The following FAM184B variants were observed in gnomAD, a reference collection of about 807,000 sequenced individuals.
The protein encoded by FAM184B is protein FAM184B.
In FAM184B, 111 loss-of-function variants were observed where a neutral mutation model predicts 135.9. The ratio of observed to expected loss-of-function variants is 0.82; its 90% CI spans 0.70 to 0.96. The LOEUF (loss-of-function observed/expected upper bound fraction) is 0.96. Ranked by LOEUF, FAM184B falls within the 40% of genes least tolerant of loss-of-function variation. The pLI is 0.00. For missense variants in FAM184B, 1,375 were observed against 1,323.9 expected (o/e 1.04, Z -0.60); for synonymous variants, 552 against 524.8 (o/e 1.05, Z -0.71).
intron 1 of FAM184B, among the ~76,000 whole-genome samples, chr4:17,755,373 C>T (rs1718394636): frequency 6.6e-6 from 1 of 152,092 alleles, no homozygotes; most frequent in Non-Finnish European, 1.5e-5. Flanking sequence ...CATCTCAAGC[C>T]AGTCAGAATG....
intron 1 of FAM184B, among the ~76,000 whole-genome samples, chr4:17,770,791 A>T (rs1718804639): frequency 2.0e-5 from 3 of 152,134 alleles, no homozygotes; most frequent in Admixed American, 2.0e-4. Flanking sequence ...CAGGAGACAG[A>T]TCTGATTCAA....
At chr4:17,765,669 G>T (rs943066656) in intron 1 of FAM184B, among the ~76,000 whole-genome samples, 3 of 152,180 alleles carry the variant, frequency 2.0e-5, no homozygotes, top group Admixed American at 6.5e-5. Context: ...TATTCTGGTT[G>T]TATTTGTTCT....
chr4:17,762,478 G>A (rs1360581035), intron 1 of FAM184B, among the ~76,000 whole-genome samples: 6 of 152,136 alleles, frequency 3.9e-5, no homozygotes, highest in African/African-American at 1.4e-4. Context: ...ATTCAGATCC[G>A]GCTTCATTAG....
At chr4:17,732,536 C>T (rs576074548) in intron 1 of FAM184B, among the ~76,000 whole-genome samples, 12 of 152,198 alleles carry the variant, frequency 7.9e-5, no homozygotes, top group African/African-American at 2.9e-4. Flanking sequence ...ATACAAACTA[C>T]CATTAGAGAA....
chr4:17,704,760 T>G (rs1717068263), intron 5 of FAM184B, among the ~76,000 whole-genome samples: 1 of 152,228 alleles, frequency 6.6e-6, no homozygotes, highest in South Asian at 2.1e-4. Context: ...TCCAGGCCTA[T>G]AGGGGTGTCC....
At position 17,781,226 on chromosome 4, in the gene FAM184B, C is replaced by T. The variant is rs774090022; in HGVS notation, c.74G>A (p.Gly25Asp). Residue 25 changes from glycine (G) to aspartate (D), a missense_variant, in exon 1 of 18, where the codon GGC becomes GAC. Coordinates refer to ENST00000265018, the MANE Select transcript of FAM184B (RefSeq NM_015688.2). This position sits in a 1 kb window ranked among gnomAD's most constrained non-coding sequence, Gnocchi z 6.5. Reference protein sequence around the residue: ...CQGSKADGGAGWRMDCDPQMH... With the variant: ...CQGSKADGGADWRMDCDPQMH... Reference sequence around the variant, plus strand: ...CTGGGGATCACAGTCCATTCTCCAGCCGGCGCCACCGTCGGCTTTGGAGCC... The same window carrying T: ...CTGGGGATCACAGTCCATTCTCCAGTCGGCGCCACCGTCGGCTTTGGAGCC... 9 of 1,550,842 alleles carry T rather than the reference C, an allele frequency of 5.8e-6. No homozygotes were observed. The African/African-American group carries it at 8.2e-5, about 14-fold the overall frequency.
chr4:17,751,994 T>C (rs961521486), intron 1 of FAM184B, among the ~76,000 whole-genome samples: 13 of 148,258 alleles, frequency 8.8e-5, no homozygotes, highest in Non-Finnish European at 1.8e-4. Context: ...AAGAACTGGC[T>C]GGGCTGCTGA....
chr4:17,637,850 A>T (rs1170162680), intron 14 of FAM184B, among the ~76,000 whole-genome samples: 2 of 151,990 alleles, frequency 1.3e-5, no homozygotes, highest in Non-Finnish European at 2.9e-5. Flanking sequence ...GTCAGAAGTG[A>T]CCCTGTGAAA....
intron 5 of FAM184B, among the ~76,000 whole-genome samples, chr4:17,695,341 A>T (rs6857678): frequency 0.61 from 92,847 of 151,678 alleles, 28,951 homozygotes; most frequent in East Asian, 0.92. Flanking sequence ...TTAAAAAAAA[A>T]TTTTTTTAGA....
chr4:17,636,836 C>G (rs977817541), intron 14 of FAM184B, among the ~76,000 whole-genome samples, 191 bp from the exon 15 acceptor site: 1 of 152,148 alleles, frequency 6.6e-6, no homozygotes, highest in Non-Finnish European at 1.5e-5. Context: ...TCTGTCAGGT[C>G]CCCTGAGGCT....
chr4:17,648,165 G>C (rs954706331), intron 11 of FAM184B, among the ~76,000 whole-genome samples: 11 of 152,052 alleles, frequency 7.2e-5, no homozygotes, highest in African/African-American at 2.7e-4. Flanking sequence ...GCCCTCTACT[G>C]GTTGGTTAGG....
rs1356982373 is a variant in FAM184B at position 17,781,236 on chromosome 4, C to T, written c.64G>A (p.Gly22Ser). 2 of 1,550,966 alleles carry T rather than the reference C, an allele frequency of 1.3e-6. No homozygotes were observed. Among genetic ancestry groups the T allele is most frequent in the East Asian group, 2.4e-5 (1 of 40,868 alleles). Residue 22 changes from glycine to serine, a missense_variant, in exon 1 of 18, where the codon GGT becomes AGT. Gly to Ser is a moderately conservative substitution (Grantham distance 56, BLOSUM62 0). Coordinates refer to ENST00000265018, the MANE Select transcript of FAM184B (RefSeq NM_015688.2). This position sits in a 1 kb window ranked among gnomAD's most constrained non-coding sequence, Gnocchi z 6.5. Reference protein sequence around the residue: ...PGTCQGSKADGGAGWRMDCDP... With the variant: ...PGTCQGSKADSGAGWRMDCDP... ...CAGTCCATTCTCCAGCCGGCGCCACCGTCGGCTTTGGAGCCCTGGCAAGTG... is the reference window on the plus strand; with the variant it reads ...CAGTCCATTCTCCAGCCGGCGCCACTGTCGGCTTTGGAGCCCTGGCAAGTG...
intron 8 of FAM184B, among the ~76,000 whole-genome samples, chr4:17,660,784 C>T (rs540290767): frequency 9.7e-4 from 148 of 152,062 alleles, no homozygotes; most frequent in African/African-American, 3.2e-3. Context: ...TCTTGTTTGA[C>T]AGCGTGAAAG....
At chr4:17,763,757 A>C (rs1361794088) in intron 1 of FAM184B, among the ~76,000 whole-genome samples, 1 of 152,158 alleles carries the variant, frequency 6.6e-6, no homozygotes, top group African/African-American at 2.4e-5. Flanking sequence ...TTTTAATGGA[A>C]TTTGCTATTT....
At chr4:17,664,243 A>G (rs1261037332) in intron 8 of FAM184B, among the ~76,000 whole-genome samples, 1 of 152,192 alleles carries the variant, frequency 6.6e-6, no homozygotes. Flanking sequence ...CCCCCTAATT[A>G]AAGAACACTT....
intron 1 of FAM184B, among the ~76,000 whole-genome samples, chr4:17,742,137 AATATATAT>A (rs372209332): frequency 0.066 from 1,736 of 26,418 alleles, 17 homozygotes; most frequent in Non-Finnish European, 0.11. Flanking sequence ...TATACATATG[AATATATAT>A]ATATATATAT....
In FAM184B at chr4:17,634,410, G is replaced by C. The variant is rs973824506; in HGVS notation, c.2890-522C>G. Among the ~76,000 whole-genome samples, 5 of 152,106 alleles carry C rather than the reference G, an allele frequency of 3.3e-5. No homozygotes were observed. The East Asian group carries it at 9.6e-4, about 29-fold the overall frequency. On this transcript the variant is annotated intron_variant, in intron 16 of 17. Coordinates refer to ENST00000265018, the MANE Select transcript of FAM184B (RefSeq NM_015688.2). ...GCGATCTCAGCTCACTGCAACCTCC[G>C]CCTCCTGGGTTCAAGTGATTCTCCT...
chr4:17,775,614 G>A (rs1718910624), intron 1 of FAM184B, among the ~76,000 whole-genome samples: 1 of 152,312 alleles, frequency 6.6e-6, no homozygotes, highest in Middle Eastern at 3.4e-3. Context: ...ATCATCTCTT[G>A]TAGCAATTTT....
chr4:17,747,044 C>CAAAAAA, intron 1 of FAM184B, among the ~76,000 whole-genome samples: 1 of 98,536 alleles, frequency 1.0e-5, no homozygotes. Flanking sequence ...GACTCCATCT[C>CAAAAAA]AAAAAAAAAA....
Sources: gnomAD v4.1 joint callset for allele counts (sites outside exome capture counted in the v4.1 genomes callset) on GRCh38, gnomAD v4.1.1 for gene constraint, Gnocchi (gnomAD v3.1) non-coding constraint, MANE v1.5 for transcripts, NCBI Gene and HGNC (gene_info 2026-07-23, HGNC 2026-07-21) for gene names.